MYO1D: variants seen among roughly 807,000 people sequenced by gnomAD.
MYO1D encodes the protein myosin ID.
Under a neutral mutation model 122.0 loss-of-function variants are expected in MYO1D, and 83 were observed. That is an observed-to-expected ratio of 0.68 (90% CI 0.57 to 0.82). MYO1D has a LOEUF of 0.82. Ranked by LOEUF, MYO1D falls within the 40% of genes least tolerant of loss-of-function variation. MYO1D has a pLI of 0.00. For synonymous variants in MYO1D, 464 were observed against 446.9 expected, an observed-to-expected ratio of 1.04 and a Z score of -0.48; for missense variants, 1,157 against 1,269.5, an observed-to-expected ratio of 0.91 and a Z score of 1.35.
At chr17:32,632,620 C>G (rs992310883) in intron 20 of MYO1D, 1 of 143,274 alleles carries the variant, frequency 7.0e-6, no homozygotes, top group Non-Finnish European at 1.5e-5. Context: ...CACACACACA[C>G]ACACACATAT....
chr17:32,769,899 T>C (rs1226382933), intron 6 of MYO1D, among the ~76,000 whole-genome samples: 1 of 152,100 alleles, frequency 6.6e-6, no homozygotes, highest in Non-Finnish European at 1.5e-5. Context: ...TTGCTTTCTG[T>C]GGGGACTCTA....
intron 1 of MYO1D, among the ~76,000 whole-genome samples, chr17:32,832,293 CTTT>C (rs955471882): frequency 7.1e-6 from 1 of 139,862 alleles, no homozygotes; most frequent in Non-Finnish European, 1.6e-5. Context: ...TTTCTTTCTT[CTTT>C]TTTTTTTTTT....
chr17:32,730,323 C>T (rs1024565514), intron 14 of MYO1D, among the ~76,000 whole-genome samples: 1 of 152,068 alleles, frequency 6.6e-6, no homozygotes, highest in African/African-American at 2.4e-5. Context: ...AATTGATATG[C>T]AATTGTTACT....
At chr17:32,748,824 A>G in intron 12 of MYO1D, 112 bp downstream of exon 12, 1 of 994,286 alleles carries the variant, frequency 1.0e-6, no homozygotes, top group Non-Finnish European at 1.6e-6. Flanking sequence ...TTGACATATC[A>G]AATGACCAAA....
chr17:32,522,526 T>G (rs578204851), intron 21 of MYO1D, among the ~76,000 whole-genome samples: 1 of 152,264 alleles, frequency 6.6e-6, no homozygotes, highest in East Asian at 1.9e-4. Context: ...ATGCACTGTT[T>G]CCTAAATAGA....
chr17:32,874,882 T>A (rs62070188), intron 1 of MYO1D, among the ~76,000 whole-genome samples: 230 of 151,974 alleles, frequency 1.5e-3, no homozygotes, highest in Non-Finnish European at 2.5e-3. Context: ...AGAGACTTAA[T>A]GCTTTAAAAA....
chr17:32,600,811 T>A (rs2087552948), intron 21 of MYO1D, among the ~76,000 whole-genome samples: 1 of 152,248 alleles, frequency 6.6e-6, no homozygotes, highest in South Asian at 2.1e-4. Context: ...TTCACTGCAG[T>A]AGCACTTTTA....
At chr17:32,712,659 G>T (rs970437184) in intron 15 of MYO1D, among the ~76,000 whole-genome samples, 29 of 152,136 alleles carry the variant, frequency 1.9e-4, no homozygotes, top group African/African-American at 6.8e-4. Context: ...AAATCAAGCA[G>T]ATCTCTAGAT....
intron 16 of MYO1D, among the ~76,000 whole-genome samples, chr17:32,711,723 G>C (rs935633914): frequency 1.3e-5 from 2 of 152,136 alleles, no homozygotes; most frequent in African/African-American, 4.8e-5. Context: ...AGAAAGACTG[G>C]TTCAGACATC....
At chr17:32,528,328 T>C (rs541236882) in intron 21 of MYO1D, among the ~76,000 whole-genome samples, 3 of 152,124 alleles carry the variant, frequency 2.0e-5, no homozygotes, top group South Asian at 2.1e-4. Flanking sequence ...GCTTTGCAGG[T>C]GGGAGAGGGT....
Position 32,796,337 on chromosome 17 carries a change from T to C in MYO1D, c.96-15553A>G, listed in dbSNP as rs183374239. On this transcript the variant is annotated intron_variant, in intron 1 of 21. Transcript: ENST00000318217. ...GGACCTGATGTAGAAAACTCTTTAG[T>C]AGGCATTGACAATTATATGAATTGA... is the stretch of plus-strand genomic sequence containing the variant. Among the ~76,000 whole-genome samples the C allele has an allele frequency of 8.3e-3, 1,259 of 152,326 alleles. 7 individuals carry two copies. The highest frequency in any genetic ancestry group is 0.041 in the Middle Eastern group (12 of 294).
chr17:32,735,081 AACACACACACACACAC>A (rs371150333), intron 14 of MYO1D, among the ~76,000 whole-genome samples: 10 of 138,030 alleles, frequency 7.2e-5, no homozygotes, highest in East Asian at 2.2e-4. Flanking sequence ...ATTCCATCTG[AACACACACACACACAC>A]ACACACACAC....
At chr17:32,532,509 T>C (rs1488444087) in intron 21 of MYO1D, among the ~76,000 whole-genome samples, 2 of 152,078 alleles carry the variant, frequency 1.3e-5, no homozygotes, top group East Asian at 3.9e-4. Context: ...GGGTGGATCA[T>C]GAGGTCAGGA....
At chr17:32,551,501 A>G (rs947756831) in intron 21 of MYO1D, among the ~76,000 whole-genome samples, 1 of 152,076 alleles carries the variant, frequency 6.6e-6, no homozygotes, top group Admixed American at 6.6e-5. Context: ...TACATTGGAC[A>G]CGTCCAGCTT....
chr17:32,537,063 C>A (rs753109564), intron 21 of MYO1D, among the ~76,000 whole-genome samples: 6 of 152,206 alleles, frequency 3.9e-5, no homozygotes, highest in Non-Finnish European at 7.3e-5. Flanking sequence ...AAGAGTGCAA[C>A]TTCAGCAGAC....
chr17:32,676,341 T>C (rs1012612623), intron 16 of MYO1D, among the ~76,000 whole-genome samples: 6 of 148,638 alleles, frequency 4.0e-5, no homozygotes, highest in African/African-American at 1.5e-4. Context: ...CTTTTGTGAA[T>C]TGTTTCTCTA....
Position 32,723,739 on chromosome 17 carries a change from C to T in MYO1D, c.1747-2550G>A, listed in dbSNP as rs544659943. Among the ~76,000 whole-genome samples, 4 of 152,236 alleles carry T rather than the reference C, an allele frequency of 2.6e-5. No homozygotes were observed. The South Asian group carries it at 8.3e-4, about 32-fold the overall frequency. ...CATCCAGGCACGCCATTTGAGTGAG[C>T]TCATCTTAGCCTATCTCGCCCCAGC... On this transcript the variant is annotated intron_variant, in intron 14 of 21. Transcript: ENST00000318217.
chr17:32,770,180 T>G (rs1279677067), intron 6 of MYO1D, among the ~76,000 whole-genome samples: 1 of 152,238 alleles, frequency 6.6e-6, no homozygotes, highest in Non-Finnish European at 1.5e-5. Context: ...ATCATTAATT[T>G]CTATGCACAG....
At chr17:32,791,131 A>C (rs562895909) in intron 1 of MYO1D, among the ~76,000 whole-genome samples, 176 of 152,304 alleles carry the variant, frequency 1.2e-3, no homozygotes, top group African/African-American at 4.2e-3. Context: ...TGGGAGACTG[A>C]GGTGGGTGGA....
Sources: allele counts gnomAD v4.1 joint callset (sites outside exome capture counted in the v4.1 genomes callset), GRCh38; gene constraint gnomAD v4.1.1; transcripts MANE v1.5; gene names NCBI Gene and HGNC (gene_info 2026-07-23, HGNC 2026-07-21).